Variants in HDAC7 observed in about 807,000 individuals in gnomAD.
HDAC7 encodes the protein histone deacetylase 7.
HDAC7 carries 26 observed loss-of-function variants against 115.5 expected under a neutral mutation model. That is an observed-to-expected ratio of 0.23 (90% CI 0.16 to 0.31). HDAC7 has a LOEUF of 0.31. Among genes scored for constraint, HDAC7 ranks in the 10% least tolerant of loss-of-function variants. The pLI, the probability that HDAC7 is intolerant of heterozygous loss-of-function variation, is 1.00. For missense variants in HDAC7, 1,068 were observed against 1,329.0 expected, an observed-to-expected ratio of 0.80 and a Z score of 3.05; for synonymous variants, 564 against 550.9, an observed-to-expected ratio of 1.02 and a Z score of -0.33.
Position 47,784,186 on chromosome 12 carries a change from G to C in HDAC7, c.2823C>G (p.Ala941=). 1 of 1,612,968 alleles carries C rather than the reference G, an allele frequency of 6.2e-7. No homozygotes were observed. Among genetic ancestry groups the C allele is most frequent in the Non-Finnish European group, 8.5e-7 (1 of 1,179,570 alleles). ...SKYWGCMQRL[A]SCPDSWVPRV... ...TAGGCACCCAGGAGTCTGGACAGGAGGCCAGGCGCTGCATGCAGCCCCAGT... is the reference window on the plus strand; with the variant it reads ...TAGGCACCCAGGAGTCTGGACAGGACGCCAGGCGCTGCATGCAGCCCCAGT... The change falls in exon 25 of 26, where the codon GCC becomes GCG. Residue 941 remains alanine, a synonymous_variant. Transcript: ENST00000080059.
chr12:47,795,044 T>G lies in HDAC7; in HGVS notation c.1285-111A>C. 1 of 1,327,938 alleles carries G rather than the reference T, an allele frequency of 7.5e-7. No homozygotes were observed. The highest frequency in any genetic ancestry group is 1.4e-5 in the South Asian group (1 of 73,904). 82.3% of individuals were successfully genotyped at this position (1,327,938 alleles called of 1,614,324 possible). On this transcript the variant is annotated intron_variant, in intron 11 of 25. Coordinates refer to ENST00000080059, the MANE Select transcript of HDAC7 (RefSeq NM_015401.5). The surrounding 1 kb of genome is among the most constrained non-coding windows in gnomAD (Gnocchi z 4.3). ...CATCTTGCTAGGACTCCAGCTGCCA[T>G]GCAGCTCTGGGCCCCAAGAAGCCAC...
Position 47,783,845 on chromosome 12 carries a change from A to T in HDAC7, c.2972T>A (p.Leu991His), listed in dbSNP as rs138895648. 286 of 1,611,050 alleles carry T rather than the reference A, an allele frequency of 1.8e-4. No homozygotes were observed. Among genetic ancestry groups the T allele is most frequent in the Non-Finnish European group, 2.3e-4 (272 of 1,179,220 alleles). The change falls in exon 26 of 26, where the codon CTC becomes CAC. Residue 991 changes from leucine to histidine, a missense_variant. Transcript: ENST00000080059. Reference protein sequence around the residue: ...QLVEEEEPMNL With the variant: ...QLVEEEEPMNH ...CGGGCAGATGGTTCCAGAGCCTTAG[A>T]GATTCATAGGTTCTTCCTCCTCCAC...
Position 47,797,599 on chromosome 12 carries a change from G to T in HDAC7, c.462-100C>A. On this transcript the variant is annotated intron_variant, in intron 5 of 25. Transcript: ENST00000080059. The surrounding 1 kb of genome is among the most constrained non-coding windows in gnomAD (Gnocchi z 5.5). Reference sequence around the variant, plus strand: ...GGACCTGAGGGGGAGGCTGCAGCGGGCAGGGCTGGGCAATGTGGGGCTGGT... The same window carrying T: ...GGACCTGAGGGGGAGGCTGCAGCGGTCAGGGCTGGGCAATGTGGGGCTGGT... 2.4e-6 allele frequency: 2 copies of T among 827,176 alleles called. No individual in the cohort carries two copies. Among genetic ancestry groups the T allele is most frequent in the Non-Finnish European group, 3.8e-6 (2 of 526,400 alleles). 51.2% of individuals were successfully genotyped at this position (827,176 alleles called of 1,614,324 possible).
chr12:47,789,064 G>T, intron 19 of HDAC7, 197 bp downstream of exon 19: 1 of 588,330 alleles, frequency 1.7e-6, no homozygotes, highest in Non-Finnish European at 3.0e-6. Context: ...ATGGCTGAAT[G>T]CGTTCCCACA....
chr12:47,792,955 T>G (rs2525055), intron 13 of HDAC7: 92,756 of 280,718 alleles, frequency 0.33, 17,283 homozygotes, highest in African/African-American at 0.51. Context: ...TTTCAGAGGG[T>G]TTACTTCTGG....
intron 1 of HDAC7, 52 bp downstream of exon 1, chr12:47,819,715 A>T: frequency 1.8e-6 from 1 of 556,330 alleles, no homozygotes; most frequent in Non-Finnish European, 2.3e-6. Context: ...TGGGCGGGCG[A>T]CGCTGGGTGC....
chr12:47,797,391 G>T lies in HDAC7; in HGVS notation c.570C>A (p.Arg190=). 6.2e-7 allele frequency: 1 copy of T among 1,612,864 alleles called. No homozygotes were observed. The highest frequency in any genetic ancestry group is 8.5e-7 in the Non-Finnish European group (1 of 1,179,260). The stretch of plus-strand genomic sequence containing the variant: ...CCTGTTTGTTCAGCTCACCTGTCTT[G>T]CGCAGAGGGAAGTGCTCTGGGGGGT... ...PSDPPEHFPL[R]KTVSEPNLKL... is the part of the protein sequence containing the mutation. Residue 190 remains arginine, a synonymous_variant, in exon 6 of 26, where the codon CGC becomes CGA. Coordinates refer to ENST00000080059, the MANE Select transcript of HDAC7 (RefSeq NM_015401.5). The surrounding 1 kb of genome is among the most constrained non-coding windows in gnomAD (Gnocchi z 5.5).
chr12:47,796,239 C>T lies in HDAC7; in HGVS notation c.763G>A (p.Glu255Lys), dbSNP rs746702912. The T allele has an allele frequency of 5.0e-6, 8 of 1,605,368 alleles. No homozygotes were observed. The highest frequency in any genetic ancestry group is 6.8e-6 in the Non-Finnish European group (8 of 1,177,748). ...ASGCSSPNDS[E>K]HGPNPILGSE... The stretch of plus-strand genomic sequence containing the variant: ...CCCAGGATGGGATTGGGGCCGTGCT[C>T]GCTGTCATTGGGGGAGCTGCACCCT... Residue 255 changes from glutamate (E) to lysine (K), a missense_variant, in exon 8 of 26, where the codon GAG becomes AAG. By Grantham distance (56) the Glu-to-Lys change is moderately conservative. This residue lies in a region of HDAC7 where 618 missense variants were observed against 701.5 expected (regional missense o/e 0.88). Coordinates refer to ENST00000080059, the MANE Select transcript of HDAC7 (RefSeq NM_015401.5).
At chr12:47,788,196 G>A (rs751622812) in intron 19 of HDAC7, 32 bp from the exon 20 acceptor site, 1 of 1,580,024 alleles carries the variant, frequency 6.3e-7, no homozygotes, top group Non-Finnish European at 8.6e-7. Flanking sequence ...GATTAGGGAA[G>A]GCAGAGAGAT....
At chr12:47,805,589 A>G (rs1944365564) in intron 1 of HDAC7, among the ~76,000 whole-genome samples, 1 of 152,186 alleles carries the variant, frequency 6.6e-6, no homozygotes, top group African/African-American at 2.4e-5. Context: ...TGGTGGTGAA[A>G]TGGCTTCAGG....
intron 1 of HDAC7, among the ~76,000 whole-genome samples, chr12:47,808,052 G>A (rs555350644): frequency 2.0e-5 from 3 of 152,328 alleles, no homozygotes; most frequent in African/African-American, 7.2e-5. Context: ...CTACCCAGAC[G>A]AAGGCCTCCA....
intron 11 of HDAC7, 37 bp from the exon 12 acceptor site, chr12:47,794,970 G>T: frequency 6.3e-7 from 1 of 1,583,202 alleles, no homozygotes; most frequent in Non-Finnish European, 8.6e-7. Flanking sequence ...AGCCATGGTG[G>T]AGCGAGGGGC....
upstream of HDAC7, among the ~76,000 whole-genome samples, chr12:47,820,261 G>A (rs992164971): frequency 6.6e-6 from 1 of 152,164 alleles, no homozygotes; most frequent in African/African-American, 2.4e-5. The surrounding 1 kb of genome is among the most constrained non-coding windows in gnomAD (Gnocchi z 4.3). Flanking sequence ...CATACACAAC[G>A]TACACGAGCA....
At position 47,813,893 on chromosome 12, in the gene HDAC7, C is replaced by T. The variant is rs139217088; in HGVS notation, c.19+5874G>A. On this transcript the variant is annotated intron_variant, in intron 1 of 25. Transcript: ENST00000080059. Reference sequence around the variant, plus strand: ...GGCAACACCTTCCTGCAGCCTGAAGCTCTGGGTCCCCAGAAAAACCTTCCT... The same window carrying T: ...GGCAACACCTTCCTGCAGCCTGAAGTTCTGGGTCCCCAGAAAAACCTTCCT... 2.3e-4 allele frequency among the ~76,000 whole-genome samples: 35 copies of T among 152,326 alleles called. No homozygotes were observed. In the East Asian group the frequency reaches 5.4e-3, roughly 24 times the overall value.
chr12:47,813,613 G>A (rs1944761663), intron 1 of HDAC7: 1 of 152,606 alleles, frequency 6.6e-6, no homozygotes, highest in African/African-American at 2.4e-5. Flanking sequence ...AGGCAAGATG[G>A]AGGAAAAAGG....
chr12:47,783,803 C>A lies in HDAC7; in HGVS notation c.*38G>T. 1 of 1,602,598 alleles carries A rather than the reference C, an allele frequency of 6.2e-7. No individual in the cohort carries two copies. On this transcript the variant is annotated 3_prime_UTR_variant, in exon 26 of 26. Coordinates refer to ENST00000080059, the MANE Select transcript of HDAC7 (RefSeq NM_015401.5). ...GCCAGGGGTTAGAAGAGAACCAGGT[C>A]CCAAGGGCATGGTGGGCGGGCAGAT...
At chr12:47,814,275 C>A (rs1399798598) in intron 1 of HDAC7, among the ~76,000 whole-genome samples, 1 of 152,234 alleles carries the variant, frequency 6.6e-6, no homozygotes, top group African/African-American at 2.4e-5. Context: ...CAACCCCAGC[C>A]TTCCTTTCTG....
At chr12:47,787,836 T>C in intron 20 of HDAC7, 27 bp from the exon 21 acceptor site, 2 of 1,597,438 alleles carry the variant, frequency 1.3e-6, no homozygotes, top group South Asian at 1.1e-5. Context: ...AAGAGAGACA[T>C]GAGGACAGCA....
At chr12:47,789,451 G>A (rs538262078) in intron 18 of HDAC7, 72 bp downstream of exon 18, 1 of 1,581,210 alleles carries the variant, frequency 6.3e-7, no homozygotes, top group Admixed American at 1.7e-5. Context: ...GAAGAAGAGA[G>A]AATGTCCCTG....
Sources: allele counts gnomAD v4.1 joint callset (sites outside exome capture counted in the v4.1 genomes callset), GRCh38; gene constraint gnomAD v4.1.1; regional missense constraint gnomAD v4.1.1; non-coding constraint Gnocchi (gnomAD v3.1); transcripts MANE v1.5; gene names NCBI Gene and HGNC (gene_info 2026-07-23, HGNC 2026-07-21).